Variants in GALNTL6 observed in about 807,000 individuals in gnomAD.
GALNTL6 encodes the protein polypeptide N-acetylgalactosaminyltransferase-like 6.
Under a neutral mutation model 73.7 loss-of-function variants are expected in GALNTL6, and 46 were observed. The ratio of observed to expected loss-of-function variants is 0.62; its 90% CI spans 0.49 to 0.80. The LOEUF (loss-of-function observed/expected upper bound fraction) is 0.80, where lower values mean the gene tolerates loss of function less well. Ranked by LOEUF, GALNTL6 falls within the 30% of genes least tolerant of loss-of-function variation. GALNTL6 has a pLI of 0.00. For synonymous variants in GALNTL6, 259 were observed against 263.7 expected (o/e 0.98, Z 0.17); for missense variants, 604 against 755.0 (o/e 0.80, Z 2.34).
At chr4:172,349,839 A>G (rs1578982521) in intron 5 of GALNTL6, among the ~76,000 whole-genome samples, 1 of 80,274 alleles carries the variant, frequency 1.2e-5, no homozygotes, top group Non-Finnish European at 3.5e-5. Flanking sequence ...AAATATATAT[A>G]TATATATTTT....
At chr4:172,082,592 A>G (rs1474234163) in intron 2 of GALNTL6, among the ~76,000 whole-genome samples, 1 of 152,234 alleles carries the variant, frequency 6.6e-6, no homozygotes, top group Non-Finnish European at 1.5e-5. Context: ...TAAACGGGAG[A>G]AGAAAAGCAA....
At chr4:172,426,916 T>TTA (rs35184907) in intron 5 of GALNTL6, among the ~76,000 whole-genome samples, 8,082 of 149,342 alleles carry the variant, frequency 0.054, 669 homozygotes, top group African/African-American at 0.18. Flanking sequence ...GTAAGGACTC[T>TTA]TATATATATA....
intron 2 of GALNTL6, among the ~76,000 whole-genome samples, chr4:172,139,109 A>G (rs754256943): frequency 5.9e-5 from 9 of 152,152 alleles, no homozygotes; most frequent in Non-Finnish European, 1.2e-4. Context: ...GATGTGTTCC[A>G]GGAATTTTAT....
At chr4:172,163,831 C>G (rs1579201029) in intron 2 of GALNTL6, among the ~76,000 whole-genome samples, 3 of 151,988 alleles carry the variant, frequency 2.0e-5, no homozygotes, top group African/African-American at 7.2e-5. Context: ...CATACAGGCA[C>G]ACACACAAAA....
At chr4:172,575,974 A>C (rs1221322091) in intron 5 of GALNTL6, among the ~76,000 whole-genome samples, 13 of 152,196 alleles carry the variant, frequency 8.5e-5, no homozygotes, top group Non-Finnish European at 1.8e-4. Context: ...CTTTCACAAA[A>C]GTTACTGGCA....
chr4:171,969,978 C>T (rs111724868), intron 2 of GALNTL6, among the ~76,000 whole-genome samples: 8,126 of 152,152 alleles, frequency 0.053, 589 homozygotes, highest in African/African-American at 0.16. Context: ...ACCATGTTGA[C>T]CATGCTAGTC....
At position 173,040,129 on chromosome 4, in the gene GALNTL6, C is replaced by G. The variant is rs746388411; in HGVS notation, c.*29C>G. On this transcript the variant is annotated 3_prime_UTR_variant, in exon 13 of 13. Coordinates refer to ENST00000506823, the MANE Select transcript of GALNTL6 (RefSeq NM_001034845.3). ...GAAGAAAGGAAGAAAGAGTGATTAC[C>G]TACAGGTTATAAATTAAATTTTAGC... is the stretch of plus-strand genomic sequence containing the variant. 2 of 1,542,826 alleles carry G rather than the reference C, an allele frequency of 1.3e-6. No individual in the cohort carries two copies. Among genetic ancestry groups the G allele is most frequent in the Admixed American group, 1.8e-5 (1 of 55,520 alleles).
intron 2 of GALNTL6, among the ~76,000 whole-genome samples, chr4:172,064,574 A>G (rs1023871376): frequency 6.6e-6 from 1 of 152,204 alleles, no homozygotes; most frequent in African/African-American, 2.4e-5. Context: ...AATGGGTACA[A>G]TGTTCAAAAA....
chr4:172,377,742 G>A (rs1185654177), intron 5 of GALNTL6, among the ~76,000 whole-genome samples: 1 of 152,152 alleles, frequency 6.6e-6, no homozygotes, highest in African/African-American at 2.4e-5. Flanking sequence ...TGGCAGTGCT[G>A]GGGTACCTGG....
rs189216554 is a variant in GALNTL6 at position 172,180,465 on chromosome 4, T to C, written c.139-49191T>C. On this transcript the variant is annotated intron_variant, in intron 2 of 12. Transcript: ENST00000506823. ...CTCTTTATTTTAATTCGATCCCATT[T>C]GTCAATTTTGGCTTTTGTTGCCATT... 8.7e-4 allele frequency among the ~76,000 whole-genome samples: 132 copies of C among 152,326 alleles called. 2 individuals carry two copies. Among genetic ancestry groups the C allele is most frequent in the Non-Finnish European group, 2.1e-4 (14 of 68,038 alleles).
At chr4:172,678,980 A>G (rs1579326668) in intron 5 of GALNTL6, among the ~76,000 whole-genome samples, 1 of 152,224 alleles carries the variant, frequency 6.6e-6, no homozygotes, top group Non-Finnish European at 1.5e-5. Context: ...AGCAACGTGA[A>G]CACAGCCATG....
chr4:172,470,031 A>G (rs1052613079), intron 5 of GALNTL6, among the ~76,000 whole-genome samples: 10 of 152,210 alleles, frequency 6.6e-5, no homozygotes, highest in African/African-American at 2.4e-4. Flanking sequence ...AATAATGAGG[A>G]CAAGTGAGAC....
At chr4:172,719,601 G>A (rs1358390518) in intron 5 of GALNTL6, among the ~76,000 whole-genome samples, 2 of 152,060 alleles carry the variant, frequency 1.3e-5, no homozygotes, top group Admixed American at 1.3e-4. Context: ...ACTCAGGACG[G>A]GTGGTGTGGC....
chr4:172,289,073 A>C (rs1739369282), intron 3 of GALNTL6, among the ~76,000 whole-genome samples: 1 of 152,064 alleles, frequency 6.6e-6, no homozygotes, highest in Admixed American at 6.5e-5. Context: ...TTGTGGAAAA[A>C]TATTGCTTTG....
At chr4:171,820,901 G>A (rs1377679312) in intron 2 of GALNTL6, among the ~76,000 whole-genome samples, 3 of 152,132 alleles carry the variant, frequency 2.0e-5, no homozygotes, top group South Asian at 4.1e-4. Context: ...CATGGACTAT[G>A]ATTTCAATAC....
intron 4 of GALNTL6, among the ~76,000 whole-genome samples, chr4:172,331,837 TATAA>T (rs1741136608): frequency 6.6e-6 from 1 of 152,206 alleles, no homozygotes; most frequent in Non-Finnish European, 1.5e-5. Context: ...CTGTAATAAA[TATAA>T]GAATGCTAAT....
intron 9 of GALNTL6, among the ~76,000 whole-genome samples, chr4:172,938,761 A>G (rs1443382624): frequency 6.6e-6 from 1 of 152,210 alleles, no homozygotes; most frequent in Non-Finnish European, 1.5e-5. Context: ...GTTCAGGGGC[A>G]TGGTGGCCTA....
In GALNTL6 at chr4:172,936,837, A is replaced by T. The variant is rs114923401; in HGVS notation, c.1149+5569A>T. On this transcript the variant is annotated intron_variant, in intron 9 of 12. Transcript: ENST00000506823. ...TCAAATCTCATAAAAGCCAAATTGT[A>T]CAGGCTGCTTCCCAGGTCCTGAAAA... Among the ~76,000 whole-genome samples, 1,112 of 152,262 alleles carry T rather than the reference A, an allele frequency of 7.3e-3. 11 individuals are homozygous for T. Among genetic ancestry groups the T allele is most frequent in the African/African-American group, 0.026 (1,074 of 41,542 alleles).
intron 5 of GALNTL6, among the ~76,000 whole-genome samples, chr4:172,745,143 A>G (rs909152606): frequency 1.3e-5 from 2 of 151,904 alleles, no homozygotes; most frequent in Non-Finnish European, 2.9e-5. Context: ...CAATAGGGAA[A>G]GCTGGGATAA....
Sources: gnomAD v4.1 joint callset for allele counts (sites outside exome capture counted in the v4.1 genomes callset) on GRCh38, gnomAD v4.1.1 for gene constraint, MANE v1.5 for transcripts, NCBI Gene and HGNC (gene_info 2026-07-23, HGNC 2026-07-21) for gene names.